FER: variants seen among roughly 807,000 people sequenced by gnomAD.
The protein encoded by FER is tyrosine-protein kinase Fer.
A neutral mutation model predicts 111.0 loss-of-function variants in FER; 63 were observed. The ratio of observed to expected loss-of-function variants is 0.57; its 90% CI spans 0.46 to 0.70. FER has a LOEUF of 0.70. FER is among the 30% of genes least tolerant of loss of function. FER has a pLI of 0.00. For synonymous variants in FER, 327 were observed against 313.9 expected (o/e 1.04, Z -0.44); for missense variants, 914 against 954.0 (o/e 0.96, Z 0.55).
At chr5:108,954,060 A>C (rs1758111128) in intron 11 of FER, among the ~76,000 whole-genome samples, 2 of 152,102 alleles carry the variant, frequency 1.3e-5, no homozygotes, top group Non-Finnish European at 2.9e-5. Context: ...TACCATGCTC[A>C]TGGTTTATAA....
At chr5:108,757,653 T>C (rs760332262) in intron 1 of FER, among the ~76,000 whole-genome samples, 1 of 152,210 alleles carries the variant, frequency 6.6e-6, no homozygotes, top group Non-Finnish European at 1.5e-5. Context: ...TCAGGAATCT[T>C]ACGTTCATAA....
chr5:108,774,227 T>C (rs1200926878), intron 2 of FER, among the ~76,000 whole-genome samples: 2 of 152,206 alleles, frequency 1.3e-5, no homozygotes, highest in Admixed American at 6.5e-5. Context: ...GTAAAAGATA[T>C]GAGCTCATTC....
intron 16 of FER, among the ~76,000 whole-genome samples, chr5:109,072,657 T>C (rs1258311954): frequency 6.6e-6 from 1 of 151,986 alleles, no homozygotes; most frequent in Non-Finnish European, 1.5e-5. Flanking sequence ...AAAGGAAATA[T>C]AAGGTCTATA....
chr5:108,792,185 G>C (rs1223439115), intron 2 of FER, among the ~76,000 whole-genome samples: 1 of 152,064 alleles, frequency 6.6e-6, no homozygotes, highest in Non-Finnish European at 1.5e-5. Flanking sequence ...TTTCTGTATA[G>C]ATTTTAGGAT....
At chr5:108,857,617 A>G (rs1763127520) in intron 5 of FER, among the ~76,000 whole-genome samples, 1 of 152,158 alleles carries the variant, frequency 6.6e-6, no homozygotes, top group African/African-American at 2.4e-5. Flanking sequence ...TGCCTAAATC[A>G]TTTATTATTA....
intron 10 of FER, among the ~76,000 whole-genome samples, chr5:108,931,698 C>T (rs901086554): frequency 6.6e-5 from 10 of 151,920 alleles, no homozygotes; most frequent in South Asian, 2.1e-4. Flanking sequence ...GGCATGGTGG[C>T]GGGGACCTGT....
chr5:109,164,759 G>T (rs1756359966), intron 17 of FER, among the ~76,000 whole-genome samples: 1 of 152,098 alleles, frequency 6.6e-6, no homozygotes, highest in Admixed American at 6.6e-5. Flanking sequence ...ATACTAAACA[G>T]TCTTGCCTTT....
chr5:109,066,830 A>G (rs1011536515), intron 16 of FER, among the ~76,000 whole-genome samples: 1 of 152,216 alleles, frequency 6.6e-6, no homozygotes, highest in Non-Finnish European at 1.5e-5. Context: ...CAAAGAAGTC[A>G]CACTGTAATG....
chr5:109,179,577 A>G (rs1758061010), intron 17 of FER, among the ~76,000 whole-genome samples: 1 of 152,134 alleles, frequency 6.6e-6, no homozygotes, highest in Non-Finnish European at 1.5e-5. Context: ...ATATGACTGT[A>G]TCTGTAAGTT....
At chr5:108,843,640 C>T (rs1241717583) in intron 5 of FER, among the ~76,000 whole-genome samples, 3 of 151,390 alleles carry the variant, frequency 2.0e-5, no homozygotes, top group Non-Finnish European at 2.9e-5. Flanking sequence ...AGTAATTCTC[C>T]TCCTCAGCCT....
At chr5:108,781,183 G>T (rs1256503914) in intron 2 of FER, among the ~76,000 whole-genome samples, 2 of 152,136 alleles carry the variant, frequency 1.3e-5, no homozygotes, top group East Asian at 3.9e-4. Context: ...TCTTTCTTCA[G>T]ACTGTGTTTT....
intron 17 of FER, among the ~76,000 whole-genome samples, chr5:109,136,876 T>C (rs1490975945): frequency 6.6e-6 from 1 of 152,176 alleles, no homozygotes; most frequent in Admixed American, 6.5e-5. Context: ...AACAAGTAAA[T>C]TCCCAACTCT....
At chr5:108,858,083 A>G (rs959571504) in intron 5 of FER, among the ~76,000 whole-genome samples, 5 of 152,214 alleles carry the variant, frequency 3.3e-5, no homozygotes, top group Non-Finnish European at 7.4e-5. Flanking sequence ...AATAAGCAAC[A>G]CGTACACATT....
chr5:108,951,357 C>G (rs1045227923), intron 11 of FER, among the ~76,000 whole-genome samples: 2 of 152,148 alleles, frequency 1.3e-5, no homozygotes, highest in African/African-American at 2.4e-5. Flanking sequence ...GTCCTCCCAC[C>G]TTGGCCTCCC....
intron 10 of FER, among the ~76,000 whole-genome samples, chr5:108,923,492 A>T (rs995056548): frequency 6.6e-6 from 1 of 152,150 alleles, no homozygotes; most frequent in Non-Finnish European, 1.5e-5. Context: ...ATTTGGTTTC[A>T]TAAAGTTTCT....
At chr5:109,025,428 T>G (rs1207262548) in intron 13 of FER, among the ~76,000 whole-genome samples, 2 of 152,126 alleles carry the variant, frequency 1.3e-5, no homozygotes, top group Non-Finnish European at 2.9e-5. Context: ...GTTTGTCTGT[T>G]GTTGGTGTAT....
At chr5:108,782,287 ATTT>A (rs112226373) in intron 2 of FER, among the ~76,000 whole-genome samples, 1 of 145,050 alleles carries the variant, frequency 6.9e-6, no homozygotes, top group African/African-American at 2.5e-5. Context: ...ACTTCCAAGT[ATTT>A]TTTTTTTTTT....
intron 16 of FER, among the ~76,000 whole-genome samples, chr5:109,052,663 C>T (rs1056225524): frequency 6.6e-6 from 1 of 152,202 alleles, no homozygotes; most frequent in South Asian, 2.1e-4. Context: ...AGCTGCTACT[C>T]TCTACTTTTA....
chr5:109,182,767 TA>T (rs1758414095), intron 18 of FER, among the ~76,000 whole-genome samples: 1 of 152,246 alleles, frequency 6.6e-6, no homozygotes, highest in South Asian at 2.1e-4. Context: ...ATTTACAAAT[TA>T]AAGTTTCAAT....
Sources: gnomAD v4.1 joint callset for allele counts (sites outside exome capture counted in the v4.1 genomes callset) on GRCh38, gnomAD v4.1.1 for gene constraint, MANE v1.5 for transcripts, NCBI Gene and HGNC (gene_info 2026-07-23, HGNC 2026-07-21) for gene names.